The following AP1AR variants were observed in gnomAD, a reference collection of about 807,000 sequenced individuals.
The protein encoded by AP1AR is AP-1 complex-associated regulatory protein.
In AP1AR, 29 loss-of-function variants were observed where a neutral mutation model predicts 46.3. The observed-to-expected ratio is 0.63, with a 90% CI of 0.47 to 0.85. The LOEUF is 0.85. AP1AR is among the 40% of genes least tolerant of loss of function. The probability of loss-of-function intolerance (pLI) is 0.00; values close to 1 mark genes in which losing one functional copy is unlikely to be tolerated. For missense variants in AP1AR, 357 were observed against 356.3 expected (o/e 1.00, Z -0.02); for synonymous variants, 122 against 122.9 (o/e 0.99, Z 0.05).
chr4:112,241,115 A>T (rs183467114), intron 1 of AP1AR, among the ~76,000 whole-genome samples: 68 of 152,340 alleles, frequency 4.5e-4, no homozygotes, highest in African/African-American at 1.2e-3. Flanking sequence ...TGTCTTTGAC[A>T]TGTTTGGAGG....
At chr4:112,232,224 C>A (rs979649560) in intron 1 of AP1AR, 50 bp downstream of exon 1, 49 of 1,252,100 alleles carry the variant, frequency 3.9e-5, no homozygotes, top group Non-Finnish European at 4.3e-5. Flanking sequence ...TCCTCTTCGG[C>A]CCCCGGCGGG....
At chr4:112,237,192 C>T (rs147439645) in intron 1 of AP1AR, among the ~76,000 whole-genome samples, 4,011 of 152,210 alleles carry the variant, frequency 0.026, 173 homozygotes, top group East Asian at 0.16. Flanking sequence ...CTGCAACCTC[C>T]GCCTCCCAGG....
rs755912229 is a variant in AP1AR, at chr4:112,269,629, C to A, written c.*1220C>A. 3 of 151,396 alleles carry A rather than the reference C, an allele frequency of 2.0e-5. No individual in the cohort carries two copies. The highest frequency in any genetic ancestry group is 4.4e-5 in the Non-Finnish European group (3 of 67,718). The allele number at this position is 151,396 out of a possible 1,614,324, so 9.4% of individuals were successfully genotyped here. A position where few individuals can be genotyped will look rare whatever the true frequency, so the allele number is the denominator to read the frequency against. On this transcript the variant is annotated 3_prime_UTR_variant, in exon 10 of 10. Coordinates refer to ENST00000274000, the MANE Select transcript of AP1AR (RefSeq NM_018569.6). ...CATGTTCTTATAAATATAGGAAGGT[C>A]CAGATATAAATAGTAACCTAAAGTT...
intron 1 of AP1AR, among the ~76,000 whole-genome samples, chr4:112,244,347 C>A (rs1207531529): frequency 6.6e-6 from 1 of 152,162 alleles, no homozygotes; most frequent in African/African-American, 2.4e-5. Context: ...AAGAAGGAAA[C>A]TTGTCCTATC....
intron 8 of AP1AR, 111 bp from the exon 9 acceptor site, chr4:112,266,477 C>G: frequency 9.6e-7 from 1 of 1,042,644 alleles, no homozygotes; most frequent in Non-Finnish European, 1.4e-6. Flanking sequence ...TCTTATGAAG[C>G]TAAAAGTAAT....
chr4:112,255,214 C>T (rs1174032419), intron 3 of AP1AR, among the ~76,000 whole-genome samples: 2 of 152,166 alleles, frequency 1.3e-5, no homozygotes, highest in Non-Finnish European at 2.9e-5. Flanking sequence ...CAGCCTCGGC[C>T]TCCCAAAGTG....
intron 1 of AP1AR, among the ~76,000 whole-genome samples, chr4:112,241,746 C>T (rs1425246680): frequency 5.3e-5 from 8 of 152,192 alleles, no homozygotes; most frequent in Admixed American, 1.3e-4. Context: ...CTATCCCTAC[C>T]TGGAAAAATG....
At chr4:112,252,122 C>T (rs1342474305) in intron 1 of AP1AR, among the ~76,000 whole-genome samples, 2 of 152,144 alleles carry the variant, frequency 1.3e-5, no homozygotes, top group African/African-American at 4.8e-5. Context: ...GCCTGTATTA[C>T]TAGCTACTGG....
In AP1AR at chr4:112,231,983, G is replaced by A; in HGVS notation, c.-109G>A. 9.4e-7 allele frequency: 1 copy of A among 1,062,870 alleles called. No individual in the cohort carries two copies. The highest frequency in any genetic ancestry group is 3.0e-5 in the South Asian group (1 of 32,844). The allele number at this position is 1,062,870 out of a possible 1,614,324, so 65.8% of individuals were successfully genotyped here. On this transcript the variant is annotated 5_prime_UTR_variant, in exon 1 of 10. Transcript: ENST00000274000. ...GCCGGGCTCTGGCCGGCCCGCCCTC[G>A]GTCCTTGAACCCCATTTCGGCTCGT...
At chr4:112,255,286 T>TA (rs34176366) in intron 3 of AP1AR, among the ~76,000 whole-genome samples, 87,807 of 151,984 alleles carry the variant, frequency 0.58, 26,367 homozygotes, top group African/African-American at 0.75. Flanking sequence ...CTATCTAAGA[T>TA]ACACTATATA....
chr4:112,262,517 G>A (rs1726497174), intron 5 of AP1AR, among the ~76,000 whole-genome samples: 1 of 152,174 alleles, frequency 6.6e-6, no homozygotes, highest in African/African-American at 2.4e-5. Context: ...TTAATAGTTT[G>A]ATAGTAATGA....
Position 112,268,573 on chromosome 4 carries a change from G to A in AP1AR, c.*164G>A, listed in dbSNP as rs1338474925. The A allele has an allele frequency of 1.6e-6, 1 of 616,856 alleles. No homozygotes were observed. The highest frequency in any genetic ancestry group is 2.5e-6 in the Non-Finnish European group (1 of 407,432). The allele number at this position is 616,856 out of a possible 1,614,324, so 38.2% of individuals were successfully genotyped here. ...GAGTAGGGATGATAGGATCTGAATT[G>A]ATACAGAATTAAGTGCAATTTCATC... On this transcript the variant is annotated 3_prime_UTR_variant, in exon 10 of 10. Transcript: ENST00000274000.
At chr4:112,233,635 A>T (rs557698877) in intron 1 of AP1AR, among the ~76,000 whole-genome samples, 1 of 152,236 alleles carries the variant, frequency 6.6e-6, no homozygotes, top group Non-Finnish European at 1.5e-5. Context: ...CTAAATGGAT[A>T]AGCAAAAAAC....
rs1726877711 is a variant in AP1AR, at chr4:112,269,816, CTT to C, written c.*1408_*1409del. On this transcript the variant is annotated 3_prime_UTR_variant, in exon 10 of 10. Coordinates refer to ENST00000274000, the MANE Select transcript of AP1AR (RefSeq NM_018569.6). ...AGGTAATGCTATTATTTATATCTGTCTTAACATAATTTAAGTTGTAGCTGTGT... is the reference window on the plus strand; with the variant it reads ...AGGTAATGCTATTATTTATATCTGTCAACATAATTTAAGTTGTAGCTGTGT... 6.6e-6 allele frequency: 1 copy of C among 152,290 alleles called. No individual in the cohort carries two copies. The highest frequency in any genetic ancestry group is 2.4e-5 in the African/African-American group (1 of 41,372). The allele number at this position is 152,290 out of a possible 1,614,324, so 9.4% of individuals were successfully genotyped here.
chr4:112,255,845 A>G, intron 3 of AP1AR, among the ~76,000 whole-genome samples: 1 of 152,236 alleles, frequency 6.6e-6, no homozygotes, highest in African/African-American at 2.4e-5. Context: ...GCATTCGTAT[A>G]GTTAGAACTT....
At chr4:112,237,744 C>G (rs1427725769) in intron 1 of AP1AR, among the ~76,000 whole-genome samples, 1 of 152,178 alleles carries the variant, frequency 6.6e-6, no homozygotes. Context: ...CAGTTGTGAG[C>G]CACTGCGCCT....
In AP1AR at chr4:112,268,134, C is replaced by T. The variant is rs760195199; in HGVS notation, c.644-10C>T. The T allele has an allele frequency of 6.6e-7, 1 of 1,519,322 alleles. No homozygotes were observed. Among genetic ancestry groups the T allele is most frequent in the Admixed American group, 2.3e-5 (1 of 43,772 alleles). The allele number at this position is 1,519,322 out of a possible 1,614,324, so 94.1% of individuals were successfully genotyped here. Reference sequence around the variant, plus strand: ...TTCTGAGATTTTTGAAAACTCTGTTCAAATCATAGGAATGAATAGAATGCT... The same window carrying T: ...TTCTGAGATTTTTGAAAACTCTGTTTAAATCATAGGAATGAATAGAATGCT... On this transcript the variant is annotated splice_polypyrimidine_tract_variant and intron_variant, in intron 9 of 9. Coordinates refer to ENST00000274000, the MANE Select transcript of AP1AR (RefSeq NM_018569.6).
rs1010014327 is a variant in AP1AR at position 112,254,685 on chromosome 4, T to A, written c.133-62T>A. ...TTTAAGTGAAAAAAGTAACATAATT[T>A]CTTGTGAGATGTATACCTAAGACAA... On this transcript the variant is annotated intron_variant, in intron 2 of 9. Coordinates refer to ENST00000274000, the MANE Select transcript of AP1AR (RefSeq NM_018569.6). 9 of 1,048,714 alleles carry A rather than the reference T, an allele frequency of 8.6e-6. No individual in the cohort carries two copies. The Admixed American group carries it at 2.4e-4, about 28-fold the overall frequency. The allele number at this position is 1,048,714 out of a possible 1,614,324, so 65.0% of individuals were successfully genotyped here. A position where few individuals can be genotyped will look rare whatever the true frequency, so the allele number is the denominator to read the frequency against.
At chr4:112,246,063 ATGC>A (rs1490487906) in intron 1 of AP1AR, among the ~76,000 whole-genome samples, 1 of 152,034 alleles carries the variant, frequency 6.6e-6, no homozygotes, top group Non-Finnish European at 1.5e-5. Flanking sequence ...TTTTTTAATG[ATGC>A]TGCCCTATAT....
Sources: gnomAD v4.1 joint callset for allele counts (sites outside exome capture counted in the v4.1 genomes callset) on GRCh38, gnomAD v4.1.1 for gene constraint, MANE v1.5 for transcripts, NCBI Gene and HGNC (gene_info 2026-07-23, HGNC 2026-07-21) for gene names.